LRBA: variants seen among roughly 807,000 people sequenced by gnomAD.
LRBA encodes lipopolysaccharide-responsive and beige-like anchor protein.
A neutral mutation model predicts 330.0 loss-of-function variants in LRBA; 176 were observed. The ratio of observed to expected loss-of-function variants is 0.53; its 90% CI spans 0.47 to 0.60. The LOEUF (loss-of-function observed/expected upper bound fraction) is 0.60, where lower values mean the gene tolerates loss of function less well. Ranked by LOEUF, LRBA falls within the 20% of genes least tolerant of loss-of-function variation. The pLI, the probability that LRBA is intolerant of heterozygous loss-of-function variation, is 0.00. For missense variants in LRBA, 3,259 were observed against 3,444.8 expected (o/e 0.95, Z 1.35); for synonymous variants, 1,230 against 1,193.0 (o/e 1.03, Z -0.64).
At chr4:150,347,506 C>T (rs952623882) in intron 48 of LRBA, among the ~76,000 whole-genome samples, 1 of 151,910 alleles carries the variant, frequency 6.6e-6, no homozygotes, top group Non-Finnish European at 1.5e-5. Context: ...ATTAGCCAGG[C>T]GTGGTGGCAG....
At chr4:150,563,662 A>G (rs1407742122) in intron 40 of LRBA, among the ~76,000 whole-genome samples, 2 of 152,224 alleles carry the variant, frequency 1.3e-5, no homozygotes, top group East Asian at 3.8e-4. Context: ...AAACTCCTTA[A>G]GCTGATAACC....
At chr4:150,868,141 C>T (rs1579046062) in intron 21 of LRBA, 41 bp downstream of exon 21, 2 of 1,560,494 alleles carry the variant, frequency 1.3e-6, no homozygotes, top group Non-Finnish European at 1.7e-6. Flanking sequence ...TACAAAAGTA[C>T]ATTTGAATAC....
At chr4:150,936,776 C>A (rs1166599938) in intron 2 of LRBA, among the ~76,000 whole-genome samples, 2 of 151,992 alleles carry the variant, frequency 1.3e-5, no homozygotes, top group East Asian at 1.9e-4. Flanking sequence ...CACCCACATA[C>A]AATTGTACAT....
chr4:150,376,404 C>A (rs536071206), intron 47 of LRBA, among the ~76,000 whole-genome samples: 35 of 152,144 alleles, frequency 2.3e-4, no homozygotes, highest in African/African-American at 8.2e-4. Flanking sequence ...TAAAATAAAA[C>A]CTTTTGATTT....
chr4:150,613,260 G>T (rs554627305), intron 37 of LRBA, among the ~76,000 whole-genome samples: 1 of 152,094 alleles, frequency 6.6e-6, no homozygotes, highest in Admixed American at 6.5e-5. Flanking sequence ...TCCAATAAGA[G>T]AAACAGATAT....
At chr4:150,369,054 GATTA>G (rs142978162) in intron 47 of LRBA, among the ~76,000 whole-genome samples, 4,092 of 152,170 alleles carry the variant, frequency 0.027, 173 homozygotes, top group African/African-American at 0.091. Flanking sequence ...CCTTGAGTCA[GATTA>G]ATTAAACACT....
intron 47 of LRBA, among the ~76,000 whole-genome samples, chr4:150,381,930 C>T (rs1054959739): frequency 2.0e-5 from 3 of 152,180 alleles, no homozygotes; most frequent in Admixed American, 6.5e-5. Context: ...CATATTTTCA[C>T]GTGCCTTTTG....
intron 22 of LRBA, among the ~76,000 whole-genome samples, chr4:150,859,722 T>C (rs925194922): frequency 1.3e-5 from 2 of 152,228 alleles, no homozygotes; most frequent in African/African-American, 2.4e-5. Flanking sequence ...TTGAGTTTCT[T>C]TGGCTTTTTA....
intron 36 of LRBA, among the ~76,000 whole-genome samples, chr4:150,729,526 T>G (rs1019196597): frequency 2.0e-5 from 3 of 152,198 alleles, no homozygotes; most frequent in Non-Finnish European, 4.4e-5. Flanking sequence ...GGATATTCTA[T>G]GTTTATGGAT....
intron 47 of LRBA, among the ~76,000 whole-genome samples, chr4:150,400,947 G>A (rs1343953441): frequency 6.6e-6 from 1 of 152,226 alleles, no homozygotes; most frequent in Non-Finnish European, 1.5e-5. Context: ...CCATATGTTG[G>A]AGTCTTAAAC....
Position 150,900,178 on chromosome 4 carries a change from T to G in LRBA, c.1795A>C (p.Ile599Leu). ...GTGTTATATATGTTGACTGTACCAA[T>G]GAATTCCGTGGACAGATAAGTATAG... ...MLYTYLSTEFIGTVNIYNTIR... is the reference protein window; with the variant it reads ...MLYTYLSTEFLGTVNIYNTIR... The change falls in exon 14 of 57, where the codon ATT becomes CTT. Residue 599 changes from isoleucine (I) to leucine (L), a missense_variant. By Grantham distance (5) the Ile-to-Leu change is conservative. Coordinates refer to ENST00000651943, the MANE Select transcript of LRBA (RefSeq NM_001364905.1). 6.2e-7 allele frequency: 1 copy of G among 1,613,322 alleles called. No individual in the cohort carries two copies. The highest frequency in any genetic ancestry group is 1.1e-5 in the South Asian group (1 of 90,982).
Position 150,302,810 on chromosome 4 carries a change from T to C in LRBA, c.7850-18A>G. The C allele has an allele frequency of 1.3e-6, 2 of 1,543,600 alleles. No individual in the cohort carries two copies. Among genetic ancestry groups the C allele is most frequent in the Non-Finnish European group, 1.7e-6 (2 of 1,144,826 alleles). On this transcript the variant is annotated intron_variant, in intron 52 of 56. Coordinates refer to ENST00000651943, the MANE Select transcript of LRBA (RefSeq NM_001364905.1). ...CAATCTTCCTGTAATGCAAAACAAT[T>C]TTCTTTAAAAATGCTATTAAAAAAA...
At chr4:150,978,765 T>C (rs1378524277) in intron 2 of LRBA, among the ~76,000 whole-genome samples, 1 of 152,132 alleles carries the variant, frequency 6.6e-6, no homozygotes, top group East Asian at 1.9e-4. Context: ...CAGAGTCTCT[T>C]AACAGAATTG....
chr4:150,543,953 C>G (rs1283403487), intron 40 of LRBA, among the ~76,000 whole-genome samples: 1 of 151,930 alleles, frequency 6.6e-6, no homozygotes, highest in Non-Finnish European at 1.5e-5. Context: ...TACAAACATC[C>G]CCAAATTAAA....
intron 39 of LRBA, 95 bp from the exon 40 acceptor site, chr4:150,588,279 C>A: frequency 1.6e-6 from 2 of 1,285,886 alleles, no homozygotes; most frequent in Non-Finnish European, 2.1e-6. Flanking sequence ...TTCATTCTCA[C>A]GTCTAGTACT....
chr4:150,703,794 T>C (rs1298791029), intron 36 of LRBA, among the ~76,000 whole-genome samples: 1 of 151,568 alleles, frequency 6.6e-6, no homozygotes, highest in Non-Finnish European at 1.5e-5. Flanking sequence ...AAATTACATG[T>C]AAAATGTGTT....
chr4:150,860,166 G>A (rs1028559914), intron 22 of LRBA, among the ~76,000 whole-genome samples: 2 of 152,036 alleles, frequency 1.3e-5, no homozygotes, highest in Admixed American at 1.3e-4. Flanking sequence ...TCATGAAACA[G>A]AAAAGCCTTT....
chr4:150,591,842 G>C (rs1402169536), intron 38 of LRBA, among the ~76,000 whole-genome samples: 1 of 152,060 alleles, frequency 6.6e-6, no homozygotes, highest in Non-Finnish European at 1.5e-5. Context: ...AGACGCAAAT[G>C]AAAGTGGAAA....
chr4:150,654,922 T>C (rs182523984), intron 37 of LRBA, among the ~76,000 whole-genome samples: 1 of 152,316 alleles, frequency 6.6e-6, no homozygotes, highest in African/African-American at 2.4e-5. Flanking sequence ...ATGTGCCACA[T>C]TTTCTTAATC....
Sources: allele counts gnomAD v4.1 joint callset (sites outside exome capture counted in the v4.1 genomes callset), GRCh38; gene constraint gnomAD v4.1.1; transcripts MANE v1.5; gene names NCBI Gene and HGNC (gene_info 2026-07-23, HGNC 2026-07-21).